Variants in TULP3 observed in about 807,000 individuals in gnomAD.
TULP3 encodes the protein tubby-related protein 3.
Under a neutral mutation model 50.7 loss-of-function variants are expected in TULP3, and 38 were observed. The ratio of observed to expected loss-of-function variants is 0.75; its 90% CI spans 0.58 to 0.98. TULP3 has a LOEUF of 0.98. Ranked by LOEUF, TULP3 falls within the 50% of genes least tolerant of loss-of-function variation. The pLI is 0.00. For synonymous variants in TULP3, 183 were observed against 196.6 expected (o/e 0.93, Z 0.58); for missense variants, 550 against 568.0 (o/e 0.97, Z 0.32).
chr12:2,896,023 C>G (rs1002638981), intron 1 of TULP3, among the ~76,000 whole-genome samples: 4 of 151,328 alleles, frequency 2.6e-5, no homozygotes, highest in African/African-American at 4.9e-5. Flanking sequence ...TCACTGCAAT[C>G]TCTGCCTCCC....
At chr12:2,919,479 A>G (rs1345497859) in intron 2 of TULP3, among the ~76,000 whole-genome samples, 1 of 152,106 alleles carries the variant, frequency 6.6e-6, no homozygotes, top group Non-Finnish European at 1.5e-5. Context: ...CTTTTTTGAT[A>G]GTCTCACCCC....
At chr12:2,936,994 C>T (rs1238222747) in intron 8 of TULP3, among the ~76,000 whole-genome samples, 2 of 150,892 alleles carry the variant, frequency 1.3e-5, no homozygotes, top group Admixed American at 6.6e-5. Context: ...CCTGTAGTCC[C>T]AGGCTGAGGC....
At chr12:2,906,057 G>A (rs2098182035) in intron 1 of TULP3, among the ~76,000 whole-genome samples, 1 of 148,138 alleles carries the variant, frequency 6.8e-6, no homozygotes. Context: ...TTGAGAGAGA[G>A]TCTTGCACTG....
chr12:2,919,867 A>G (rs934582571), intron 2 of TULP3, among the ~76,000 whole-genome samples: 10 of 151,642 alleles, frequency 6.6e-5, no homozygotes. Context: ...ATATGTTCCA[A>G]CTGCCATTTT....
chr12:2,929,574 C>T (rs1158561657), intron 4 of TULP3, among the ~76,000 whole-genome samples: 1 of 152,120 alleles, frequency 6.6e-6, no homozygotes, highest in Non-Finnish European at 1.5e-5. Context: ...AAGCACGAGC[C>T]ACTGTGCCCT....
chr12:2,902,334 A>G (rs1223519061), intron 1 of TULP3, among the ~76,000 whole-genome samples: 1 of 152,198 alleles, frequency 6.6e-6, no homozygotes, highest in Non-Finnish European at 1.5e-5. Flanking sequence ...TCAAGTTACT[A>G]TCAGGAAAAG....
intron 8 of TULP3, among the ~76,000 whole-genome samples, chr12:2,936,737 G>T (rs2098201480): frequency 6.6e-6 from 1 of 151,760 alleles, no homozygotes; most frequent in African/African-American, 2.4e-5. Context: ...CAACAAGAGT[G>T]AAACTCTGGT....
chr12:2,917,493 T>C (rs1007578180), intron 2 of TULP3, among the ~76,000 whole-genome samples: 2 of 150,182 alleles, frequency 1.3e-5, no homozygotes, highest in Admixed American at 1.3e-4. Context: ...AAGATACTTC[T>C]CTTTCTTGGA....
chr12:2,935,985 G>A (rs1420423244), intron 8 of TULP3, among the ~76,000 whole-genome samples: 3 of 151,678 alleles, frequency 2.0e-5, no homozygotes, highest in African/African-American at 4.8e-5. Flanking sequence ...AATAATAATC[G>A]GCCAGGCGTG....
At chr12:2,910,669 G>A (rs1565500205) in intron 2 of TULP3, among the ~76,000 whole-genome samples, 1 of 152,156 alleles carries the variant, frequency 6.6e-6, no homozygotes, top group Admixed American at 6.6e-5. Flanking sequence ...CTAAAGTTTT[G>A]TCTTCTCTTC....
chr12:2,916,583 C>A (rs956698278), intron 2 of TULP3, among the ~76,000 whole-genome samples: 2 of 152,196 alleles, frequency 1.3e-5, no homozygotes, highest in African/African-American at 2.4e-5. Context: ...CTCTGGCTTT[C>A]TTCCTGGCTC....
chr12:2,917,333 A>G (rs985792680), intron 2 of TULP3, among the ~76,000 whole-genome samples: 3 of 152,028 alleles, frequency 2.0e-5, no homozygotes, highest in African/African-American at 7.2e-5. Flanking sequence ...TCAGCTGGGC[A>G]TGGTGGGGTG....
intron 1 of TULP3, among the ~76,000 whole-genome samples, chr12:2,892,456 T>G (rs12311046): frequency 8.8e-5 from 13 of 147,742 alleles, no homozygotes; most frequent in East Asian, 2.0e-4. Flanking sequence ...TCAGATTTTT[T>G]GGGGAAAAAA....
In TULP3 at chr12:2,930,260, G is replaced by C. The variant is rs750552969; in HGVS notation, c.407G>C (p.Ser136Thr). Residue 136 changes from serine to threonine, a missense_variant, in exon 5 of 11, where the codon AGT becomes ACT. By Grantham distance (58) the Ser-to-Thr change is moderately conservative. Coordinates refer to ENST00000448120, the MANE Select transcript of TULP3 (RefSeq NM_003324.5). ...ERLQKHDISE[S>T]VNFDEETDGI... ...CCTTTTCTGCTAGATATCTCTGAAAGTGTGAACTTCGATGAGGAGACTGAT... is the reference window on the plus strand; with the variant it reads ...CCTTTTCTGCTAGATATCTCTGAAACTGTGAACTTCGATGAGGAGACTGAT... 1 of 1,611,782 alleles carries C rather than the reference G, an allele frequency of 6.2e-7. No individual in the cohort carries two copies. Among genetic ancestry groups the C allele is most frequent in the Non-Finnish European group, 8.5e-7 (1 of 1,178,814 alleles).
chr12:2,908,907 A>T (rs898964419), intron 1 of TULP3, among the ~76,000 whole-genome samples: 2 of 152,208 alleles, frequency 1.3e-5, no homozygotes, highest in South Asian at 4.1e-4. Context: ...TATTAATGAC[A>T]GACTTGAGTA....
At chr12:2,911,054 T>C (rs143957342) in intron 2 of TULP3, among the ~76,000 whole-genome samples, 2 of 152,278 alleles carry the variant, frequency 1.3e-5, no homozygotes. Flanking sequence ...TTCTAAGACA[T>C]CAAACTTTAA....
chr12:2,896,969 T>C (rs2098175892), intron 1 of TULP3, among the ~76,000 whole-genome samples: 1 of 152,088 alleles, frequency 6.6e-6, no homozygotes, highest in Non-Finnish European at 1.5e-5. Context: ...ACTAGCAGAG[T>C]GACAACACAT....
At position 2,937,724 on chromosome 12, in the gene TULP3, C is replaced by G. The variant is rs762364081; in HGVS notation, c.1018C>G (p.Gln340Glu). 2 of 1,602,788 alleles carry G rather than the reference C, an allele frequency of 1.2e-6. No homozygotes were observed. The highest frequency in any genetic ancestry group is 8.5e-7 in the Non-Finnish European group (1 of 1,175,400). ...TCATAAGCAGATCCCCTATCAGCCA[C>G]AAAACGTGAGTAAGAATGTATTTAA... ...LNHKQIPYQP[Q>E]NNHDSLLSRW... is the part of the protein sequence containing the mutation. Residue 340 changes from glutamine (Q) to glutamate (E), a missense_variant, in exon 9 of 11, where the codon CAA (glutamine) becomes GAA (glutamate). Coordinates refer to ENST00000448120, the MANE Select transcript of TULP3 (RefSeq NM_003324.5).
chr12:2,937,762 C>A, intron 9 of TULP3, 33 bp downstream of exon 9: 3 of 1,459,496 alleles, frequency 2.1e-6, no homozygotes, highest in African/African-American at 1.4e-5. Flanking sequence ...CAGTGAAAGA[C>A]TCTAAAAGAC....
Sources: allele counts gnomAD v4.1 joint callset (sites outside exome capture counted in the v4.1 genomes callset), GRCh38; gene constraint gnomAD v4.1.1; transcripts MANE v1.5; gene names NCBI Gene and HGNC (gene_info 2026-07-23, HGNC 2026-07-21).